KIRREL3: variants seen among roughly 807,000 people sequenced by gnomAD.
The protein encoded by KIRREL3 is kirre like nephrin family adhesion molecule 3, also known as kin of IRRE-like protein 3.
Under a neutral mutation model 89.7 loss-of-function variants are expected in KIRREL3, and 36 were observed. The ratio of observed to expected loss-of-function variants is 0.40; its 90% CI spans 0.31 to 0.53. The LOEUF is 0.53. Among genes scored for constraint, KIRREL3 ranks in the 20% least tolerant of loss-of-function variants. The pLI is 0.49. For missense variants in KIRREL3, 864 were observed against 1,056.6 expected (o/e 0.82, Z 2.53); for synonymous variants, 445 against 441.4 (o/e 1.01, Z -0.10).
chr11:126,558,941 G>A lies in KIRREL3; in HGVS notation c.133+3894C>T, dbSNP rs1939906473. 6.6e-6 allele frequency among the ~76,000 whole-genome samples: 1 copy of A among 152,160 alleles called. No homozygotes were observed. The highest frequency in any genetic ancestry group is 2.4e-5 in the African/African-American group (1 of 41,434). On this transcript the variant is annotated intron_variant, in intron 2 of 16. Coordinates refer to ENST00000525144, the MANE Select transcript of KIRREL3 (RefSeq NM_032531.4). This position sits in a 1 kb window ranked among gnomAD's most constrained non-coding sequence, Gnocchi z 4.0. ...ATTGTGTGTGTATGTGTGTGTGCAT[G>A]CTCATGTGTGTGTTGGAGATGTGGC...
Position 126,476,332 on chromosome 11 carries a change from G to T in KIRREL3, c.434-2866C>A, listed in dbSNP as rs996392569. Among the ~76,000 whole-genome samples, 1 of 152,234 alleles carries T rather than the reference G, an allele frequency of 6.6e-6. No individual in the cohort carries two copies. The highest frequency in any genetic ancestry group is 1.5e-5 in the Non-Finnish European group (1 of 68,042). Reference sequence around the variant, plus strand: ...CAGCTTTCTGGGCTCTGGACTCTGGGCTGAGGGGCAGGAGCCTCTGCTTGC... The same window carrying T: ...CAGCTTTCTGGGCTCTGGACTCTGGTCTGAGGGGCAGGAGCCTCTGCTTGC... On this transcript the variant is annotated intron_variant, in intron 4 of 16. Transcript: ENST00000525144. This position sits in a 1 kb window ranked among gnomAD's most constrained non-coding sequence, Gnocchi z 6.4.
intron 2 of KIRREL3, among the ~76,000 whole-genome samples, chr11:126,536,700 G>GTAC (rs1472939931): frequency 2.1e-5 from 3 of 141,482 alleles, no homozygotes; most frequent in Non-Finnish European, 4.5e-5. Flanking sequence ...CTAAAGTGCA[G>GTAC]TGGTGCGATC....
rs1215235000 is a variant in KIRREL3 at position 126,569,353 on chromosome 11, A to G, written c.56-6441T>C. Among the ~76,000 whole-genome samples the G allele has an allele frequency of 1.3e-5, 2 of 152,148 alleles. No individual in the cohort carries two copies. The highest frequency in any genetic ancestry group is 2.9e-5 in the Non-Finnish European group (2 of 68,026). ...CAGTTGCGTTGACCTCAGAGGGTAA[A>G]CATTTTGTTGGGGGAAACAGCAGTT... On this transcript the variant is annotated intron_variant, in intron 1 of 16. Transcript: ENST00000525144. This position sits in a 1 kb window ranked among gnomAD's most constrained non-coding sequence, Gnocchi z 6.5.
At chr11:126,963,545 C>T (rs999326085) in intron 1 of KIRREL3, among the ~76,000 whole-genome samples, 3 of 152,124 alleles carry the variant, frequency 2.0e-5, no homozygotes, top group South Asian at 2.1e-4. Context: ...TGCTTTGTGA[C>T]GAACCATCCT....
chr11:126,949,493 CAA>C (rs1948716087), intron 1 of KIRREL3, among the ~76,000 whole-genome samples: 1 of 152,172 alleles, frequency 6.6e-6, no homozygotes, highest in Non-Finnish European at 1.5e-5. Context: ...TGGAGGGACA[CAA>C]AGATGCATTT....
At chr11:126,602,654 G>T (rs7938828) in intron 1 of KIRREL3, among the ~76,000 whole-genome samples, 34,151 of 152,032 alleles carry the variant, frequency 0.22, 5,603 homozygotes, top group African/African-American at 0.47. Flanking sequence ...CAGGCATGTG[G>T]CCCCGTGGTT....
At chr11:126,770,148 G>A (rs1354084956) in intron 1 of KIRREL3, among the ~76,000 whole-genome samples, 1 of 152,094 alleles carries the variant, frequency 6.6e-6, no homozygotes, top group African/African-American at 2.4e-5. Context: ...CCTGAGTTGG[G>A]GGGGAATTTG....
rs370666643 is a variant in KIRREL3 at position 126,571,099 on chromosome 11, C to T, written c.56-8187G>A. 2.1e-4 allele frequency among the ~76,000 whole-genome samples: 32 copies of T among 152,306 alleles called. No homozygotes were observed. Among genetic ancestry groups the T allele is most frequent in the East Asian group, 1.9e-4 (1 of 5,180 alleles). On this transcript the variant is annotated intron_variant, in intron 1 of 16. Coordinates refer to ENST00000525144, the MANE Select transcript of KIRREL3 (RefSeq NM_032531.4). The surrounding 1 kb of genome is among the most constrained non-coding windows in gnomAD (Gnocchi z 7.7). ...ACCTCCATGTTGGTGCTTGTTGGTG[C>T]GTCGTGCCATGCTCTGTCTCCATTC...
intron 4 of KIRREL3, among the ~76,000 whole-genome samples, chr11:126,503,828 CCTCT>C (rs941384964): frequency 2.6e-5 from 4 of 151,012 alleles, no homozygotes; most frequent in African/African-American, 9.7e-5. Flanking sequence ...TCCTTCCTTC[CCTCT>C]CTCTCTTTCT....
rs905909599 is a variant in KIRREL3, at chr11:126,997,737, G to A, written c.55+2718C>T. Reference sequence around the variant, plus strand: ...ACTGCTTGGAGCACTCTCTCTGCACGGGGACCAAGATACTGGGAGCATGGA... The same window carrying A: ...ACTGCTTGGAGCACTCTCTCTGCACAGGGACCAAGATACTGGGAGCATGGA... On this transcript the variant is annotated intron_variant, in intron 1 of 16. Transcript: ENST00000525144. This position sits in a 1 kb window ranked among gnomAD's most constrained non-coding sequence, Gnocchi z 4.3. Among the ~76,000 whole-genome samples the A allele has an allele frequency of 7.2e-5, 11 of 152,132 alleles. No individual in the cohort carries two copies. Among genetic ancestry groups the A allele is most frequent in the Admixed American group, 6.5e-4 (10 of 15,278 alleles).
At chr11:126,757,992 A>G (rs1379323529) in intron 1 of KIRREL3, among the ~76,000 whole-genome samples, 2 of 152,242 alleles carry the variant, frequency 1.3e-5, no homozygotes, top group Non-Finnish European at 2.9e-5. Context: ...GGGGAAAAGC[A>G]TAAGTTGTTG....
chr11:126,665,614 C>G (rs748015133), intron 1 of KIRREL3, among the ~76,000 whole-genome samples: 2 of 152,182 alleles, frequency 1.3e-5, no homozygotes, highest in African/African-American at 2.4e-5. Flanking sequence ...ATCCATGAAC[C>G]AGGAGGCGGG....
chr11:126,889,795 T>C (rs1048814170), intron 1 of KIRREL3, among the ~76,000 whole-genome samples: 3 of 152,248 alleles, frequency 2.0e-5, no homozygotes, highest in African/African-American at 7.2e-5. Context: ...GATAATTAGA[T>C]ATCTTTTGCA....
At chr11:126,681,016 G>A (rs139656837) in intron 1 of KIRREL3, among the ~76,000 whole-genome samples, 4 of 152,274 alleles carry the variant, frequency 2.6e-5, no homozygotes, top group East Asian at 3.9e-4. Flanking sequence ...AAATGAAACC[G>A]GCTAAGGCAA....
At chr11:126,809,471 G>A (rs560090987) in intron 1 of KIRREL3, among the ~76,000 whole-genome samples, 2 of 152,356 alleles carry the variant, frequency 1.3e-5, no homozygotes, top group African/African-American at 4.8e-5. Context: ...AGGTACTTAA[G>A]TAACTGCAGT....
chr11:126,699,223 G>A (rs1357494365), intron 1 of KIRREL3, among the ~76,000 whole-genome samples: 1 of 152,322 alleles, frequency 6.6e-6, no homozygotes, highest in East Asian at 1.9e-4. Flanking sequence ...ACACAGAGGC[G>A]ATTTTGACAG....
At chr11:126,693,562 A>G (rs549944400) in intron 1 of KIRREL3, among the ~76,000 whole-genome samples, 1 of 152,240 alleles carries the variant, frequency 6.6e-6, no homozygotes, top group African/African-American at 2.4e-5. Context: ...AGGGGAACAC[A>G]TAAGTGTGTT....
Position 126,507,243 on chromosome 11 carries a change from G to A in KIRREL3, c.433+14072C>T, listed in dbSNP as rs557225220. Among the ~76,000 whole-genome samples the A allele has an allele frequency of 3.3e-5, 5 of 151,602 alleles. No homozygotes were observed. The South Asian group carries it at 1.0e-3, about 31-fold the overall frequency. ...TGACAAGGGATCGTTTTAGGGTGAT[G>A]AAAATGTTCTAATACTGGATTGTGG... is the stretch of plus-strand genomic sequence containing the variant. On this transcript the variant is annotated intron_variant, in intron 4 of 16. Coordinates refer to ENST00000525144, the MANE Select transcript of KIRREL3 (RefSeq NM_032531.4).
At chr11:126,857,768 A>G (rs946950231) in intron 1 of KIRREL3, among the ~76,000 whole-genome samples, 2 of 65,728 alleles carry the variant, frequency 3.0e-5, no homozygotes, top group African/African-American at 1.2e-4. Flanking sequence ...TGTGGGAGAA[A>G]AGTCTTCAGG....
Sources: gnomAD v4.1 joint callset for allele counts (sites outside exome capture counted in the v4.1 genomes callset) on GRCh38, gnomAD v4.1.1 for gene constraint, Gnocchi (gnomAD v3.1) non-coding constraint, MANE v1.5 for transcripts, NCBI Gene and HGNC (gene_info 2026-07-23, HGNC 2026-07-21) for gene names.